DOCK8: variants seen among roughly 807,000 people sequenced by gnomAD.
DOCK8 encodes the protein dedicator of cytokinesis 8.
DOCK8 carries 141 observed loss-of-function variants against 245.6 expected under a neutral mutation model. The observed-to-expected ratio is 0.57, with a 90% CI of 0.50 to 0.66. DOCK8 has a LOEUF of 0.66. Ranked by LOEUF, DOCK8 falls within the 30% of genes least tolerant of loss-of-function variation. DOCK8 has a pLI of 0.00. For missense variants in DOCK8, 2,965 were observed against 2,603.4 expected, an observed-to-expected ratio of 1.14 and a Z score of -3.02; for synonymous variants, 1,168 against 970.2, an observed-to-expected ratio of 1.20 and a Z score of -3.79.
At chr9:307,926 T>G (rs2049924528) in intron 5 of DOCK8, among the ~76,000 whole-genome samples, 1 of 151,968 alleles carries the variant, frequency 6.6e-6, no homozygotes, top group African/African-American at 2.4e-5. Context: ...CATGGATGAG[T>G]CTAGAGGATA....
At chr9:437,871 G>A (rs573342176) in intron 39 of DOCK8, among the ~76,000 whole-genome samples, 13 of 152,344 alleles carry the variant, frequency 8.5e-5, no homozygotes, top group African/African-American at 3.1e-4. Flanking sequence ...AGCCAAGAAA[G>A]TCTGCAGAAT....
chr9:440,808 G>C (rs1219619483), intron 40 of DOCK8, among the ~76,000 whole-genome samples: 1 of 152,128 alleles, frequency 6.6e-6, no homozygotes, highest in Non-Finnish European at 1.5e-5. Context: ...ATGCAGCCTT[G>C]GCTCACTACA....
At chr9:275,632 A>G (rs1440912360) in intron 2 of DOCK8, among the ~76,000 whole-genome samples, 1 of 152,196 alleles carries the variant, frequency 6.6e-6, no homozygotes, top group Non-Finnish European at 1.5e-5. Context: ...TCTGTCACCC[A>G]GGCTGGAGTG....
chr9:371,604 G>A (rs371568119), intron 17 of DOCK8, 38 bp downstream of exon 17: 43 of 1,613,542 alleles, frequency 2.7e-5, no homozygotes, highest in Middle Eastern at 1.6e-4. Flanking sequence ...CACTGCAGTT[G>A]TTGGTGCATC....
At chr9:337,753 G>A (rs552569040) in intron 12 of DOCK8, among the ~76,000 whole-genome samples, 1 of 152,326 alleles carries the variant, frequency 6.6e-6, no homozygotes, top group African/African-American at 2.4e-5. Flanking sequence ...GGGAGTCACT[G>A]GTTAAAGGGT....
At chr9:258,639 C>A (rs1164548524) in intron 1 of DOCK8, among the ~76,000 whole-genome samples, 3 of 137,488 alleles carry the variant, frequency 2.2e-5, no homozygotes, top group African/African-American at 5.5e-5. Flanking sequence ...GCTCTGTTGC[C>A]CAGGCTGGGG....
chr9:446,326 T>G, intron 43 of DOCK8, 44 bp from the exon 44 acceptor site: 2 of 1,545,692 alleles, frequency 1.3e-6, no homozygotes, highest in Non-Finnish European at 1.8e-6. Context: ...GATGGCCGTT[T>G]GCAGAATAGC....
Position 449,775 on chromosome 9 carries a change from C to G in DOCK8, c.5818-9C>G, listed in dbSNP as rs773969951. 6.2e-6 allele frequency: 10 copies of G among 1,612,422 alleles called. No homozygotes were observed. Among genetic ancestry groups the G allele is most frequent in the Non-Finnish European group, 8.5e-6 (10 of 1,180,002 alleles). ...CAGTGACTTCCCTATGTTTACGTCT[C>G]ATGTTCAGTTTGTTTTGACACCGAT... On this transcript the variant is annotated splice_polypyrimidine_tract_variant and intron_variant, in intron 44 of 47. Coordinates refer to ENST00000432829, the MANE Select transcript of DOCK8 (RefSeq NM_203447.4).
chr9:246,037 TG>T (rs2047498283), intron 1 of DOCK8, among the ~76,000 whole-genome samples: 1 of 152,126 alleles, frequency 6.6e-6, no homozygotes, highest in African/African-American at 2.4e-5. Context: ...CTGGGCAACA[TG>T]GTGAAACCTA....
At chr9:290,955 A>G (rs1010105102) in intron 4 of DOCK8, among the ~76,000 whole-genome samples, 1 of 152,234 alleles carries the variant, frequency 6.6e-6, no homozygotes, top group African/African-American at 2.4e-5. Context: ...ATTCATTATT[A>G]AAAGTTATTA....
chr9:214,398 C>T, upstream of DOCK8: 1 of 930,502 alleles, frequency 1.1e-6, no homozygotes, highest in East Asian at 2.7e-5. Flanking sequence ...GGATGATGGG[C>T]ATATTGCTTG....
chr9:374,410 G>C (rs10814389), intron 18 of DOCK8, among the ~76,000 whole-genome samples: 1 of 143,734 alleles, frequency 7.0e-6, no homozygotes, highest in Non-Finnish European at 1.5e-5. Flanking sequence ...TCTTTAGGCT[G>C]TATTGAGTTA....
chr9:218,599 C>G (rs975734452), intron 1 of DOCK8, among the ~76,000 whole-genome samples: 1 of 152,114 alleles, frequency 6.6e-6, no homozygotes, highest in Non-Finnish European at 1.5e-5. Flanking sequence ...TGCCTTTTTT[C>G]TTACTGGAAT....
At chr9:423,993 G>A (rs1269684576) in intron 33 of DOCK8, among the ~76,000 whole-genome samples, 1 of 151,806 alleles carries the variant, frequency 6.6e-6, no homozygotes, top group Non-Finnish European at 1.5e-5. Context: ...TCTCAGCCCT[G>A]CGCTACCTGG....
At chr9:418,687 G>C (rs772137809) in intron 30 of DOCK8, among the ~76,000 whole-genome samples, 12 of 152,198 alleles carry the variant, frequency 7.9e-5, no homozygotes, top group South Asian at 4.1e-4. Context: ...AGTCAGAAAG[G>C]GTTCTGGCAA....
intron 45 of DOCK8, among the ~76,000 whole-genome samples, chr9:451,563 C>T (rs1166651806): frequency 6.6e-6 from 1 of 151,920 alleles, no homozygotes; most frequent in Non-Finnish European, 1.5e-5. Context: ...GTGGAGGCTG[C>T]AGTGAGCAGA....
At chr9:405,164 C>A in intron 27 of DOCK8, 91 bp downstream of exon 27, 1 of 1,347,016 alleles carries the variant, frequency 7.4e-7, no homozygotes, top group Non-Finnish European at 1.0e-6. Flanking sequence ...AAAGGTTAGT[C>A]TTATTAATTT....
At chr9:385,576 A>C (rs114097239) in intron 22 of DOCK8, among the ~76,000 whole-genome samples, 2,073 of 152,312 alleles carry the variant, frequency 0.014, 57 homozygotes, top group African/African-American at 0.047. Flanking sequence ...TTGCTACCAC[A>C]CTGCATTTCT....
intron 45 of DOCK8, among the ~76,000 whole-genome samples, chr9:450,522 C>T (rs1420724458): frequency 6.6e-6 from 1 of 152,146 alleles, no homozygotes; most frequent in Admixed American, 6.5e-5. Context: ...AGGGAGGTAC[C>T]AGCCTAATAC....
Sources: allele counts gnomAD v4.1 joint callset (sites outside exome capture counted in the v4.1 genomes callset), GRCh38; gene constraint gnomAD v4.1.1; transcripts MANE v1.5; gene names NCBI Gene and HGNC (gene_info 2026-07-23, HGNC 2026-07-21).